NTRK3: variants seen among roughly 807,000 people sequenced by gnomAD.
NTRK3 encodes neurotrophic receptor tyrosine kinase 3.
In NTRK3, 24 loss-of-function variants were observed where a neutral mutation model predicts 91.7. The observed-to-expected ratio is 0.26, with a 90% CI of 0.19 to 0.37. NTRK3 has a LOEUF of 0.37. Among genes scored for constraint, NTRK3 ranks in the 10% least tolerant of loss-of-function variants. NTRK3 has a pLI of 1.00. For missense variants in NTRK3, 880 were observed against 1,068.9 expected (o/e 0.82, Z 2.46); for synonymous variants, 483 against 404.0 (o/e 1.20, Z -2.34).
chr15:88,131,280 A>G (rs991458297), intron 10 of NTRK3, among the ~76,000 whole-genome samples: 4 of 152,088 alleles, frequency 2.6e-5, no homozygotes, highest in African/African-American at 9.7e-5. Flanking sequence ...CCATTCATTC[A>G]CTCATTGCGG....
At chr15:87,901,419 T>G (rs1242451571) in intron 17 of NTRK3, among the ~76,000 whole-genome samples, 1 of 152,240 alleles carries the variant, frequency 6.6e-6, no homozygotes, top group Non-Finnish European at 1.5e-5. Context: ...CAGGGTCACC[T>G]AGTGGGTCCC....
intron 13 of NTRK3, among the ~76,000 whole-genome samples, chr15:88,035,269 A>G (rs958749470): frequency 6.6e-6 from 1 of 152,162 alleles, no homozygotes; most frequent in African/African-American, 2.4e-5. Context: ...GTGAGGCTCC[A>G]GGCGGGAACA....
chr15:87,877,112 C>T (rs2141438288), exon 19 of NTRK3: 1 of 1,614,088 alleles, frequency 6.2e-7, no homozygotes. Context: ...GGGTAATGCA[C>T]TCAATGACCT....
At position 87,953,944 on chromosome 15, in the gene NTRK3, C is replaced by T. The variant is rs921014584; in HGVS notation, c.1586-13191G>A. Among the ~76,000 whole-genome samples, 5 of 151,668 alleles carry T rather than the reference C, an allele frequency of 3.3e-5. No homozygotes were observed. In the East Asian group the frequency reaches 9.7e-4, roughly 29 times the overall value. On this transcript the variant is annotated intron_variant, in intron 14 of 18. Coordinates refer to ENST00000394480, the Ensembl canonical transcript of NTRK3. Reference sequence around the variant, plus strand: ...GCCCCTCCTCCGTGCGGGTTATCGACCTCCATTGCCAGCCTGTTCTTTGCT... The same window carrying T: ...GCCCCTCCTCCGTGCGGGTTATCGATCTCCATTGCCAGCCTGTTCTTTGCT...
exon 19 of NTRK3, chr15:87,870,145 T>C (rs1019817468): frequency 5.4e-6 from 1 of 183,970 alleles, no homozygotes; most frequent in African/African-American, 2.4e-5. Flanking sequence ...TCAACCCAAA[T>C]GCCCATCAAT....
At chr15:88,123,547 C>T (rs1190720683) in intron 13 of NTRK3, among the ~76,000 whole-genome samples, 2 of 152,152 alleles carry the variant, frequency 1.3e-5, no homozygotes, top group East Asian at 1.9e-4. Context: ...AGATTTATTC[C>T]GAGCCAAATA....
intron 17 of NTRK3, among the ~76,000 whole-genome samples, chr15:87,920,238 T>C (rs1487845128): frequency 6.6e-6 from 1 of 152,236 alleles, no homozygotes; most frequent in Non-Finnish European, 1.5e-5. Context: ...TTGTAATACT[T>C]ATAATTAGCA....
chr15:87,913,460 C>G (rs1452891075), intron 17 of NTRK3, among the ~76,000 whole-genome samples: 2 of 152,116 alleles, frequency 1.3e-5, no homozygotes, highest in African/African-American at 4.8e-5. Context: ...GCCACCAATC[C>G]TCTTTTCTAC....
chr15:87,956,171 G>A (rs2071633887), intron 14 of NTRK3, among the ~76,000 whole-genome samples: 1 of 152,124 alleles, frequency 6.6e-6, no homozygotes, highest in Non-Finnish European at 1.5e-5. Context: ...ACAGTCAGAT[G>A]GAAACTGATT....
chr15:88,099,379 A>G (rs2049950110), intron 13 of NTRK3: 1 of 189,312 alleles, frequency 5.3e-6, no homozygotes. Flanking sequence ...AGTACCTGCT[A>G]AAAGCTAAAA....
intron 17 of NTRK3, among the ~76,000 whole-genome samples, chr15:87,891,099 T>C (rs1371971876): frequency 6.6e-6 from 1 of 152,130 alleles, no homozygotes; most frequent in African/African-American, 2.4e-5. Flanking sequence ...TCCTAATTTG[T>C]TTAAATAATA....
At chr15:88,158,497 C>A (rs1195627971) in intron 5 of NTRK3, among the ~76,000 whole-genome samples, 1 of 152,182 alleles carries the variant, frequency 6.6e-6, no homozygotes, top group Non-Finnish European at 1.5e-5. Flanking sequence ...GCGGTCCTCA[C>A]CCTGAGGTCT....
chr15:88,221,141 A>G (rs1465533726), intron 3 of NTRK3, among the ~76,000 whole-genome samples: 1 of 152,242 alleles, frequency 6.6e-6, no homozygotes, highest in Non-Finnish European at 1.5e-5. Flanking sequence ...TCCTGGTTAT[A>G]AAGTAATACA....
intron 14 of NTRK3, among the ~76,000 whole-genome samples, chr15:88,018,042 C>T (rs988107387): frequency 1.3e-5 from 2 of 152,176 alleles, no homozygotes; most frequent in Non-Finnish European, 2.9e-5. Context: ...ACAAATCAAG[C>T]TACAGATCCA....
chr15:87,923,943 C>T (rs1197784878), intron 17 of NTRK3, among the ~76,000 whole-genome samples: 1 of 152,094 alleles, frequency 6.6e-6, no homozygotes, highest in Non-Finnish European at 1.5e-5. Context: ...AGATGAGGCC[C>T]CTCGATCTTG....
At chr15:87,929,145 G>A (rs373836591) in intron 17 of NTRK3, 46 bp downstream of exon 17, 68 of 1,613,844 alleles carry the variant, frequency 4.2e-5, no homozygotes, top group Non-Finnish European at 5.7e-5. Context: ...TGTAAGCAAG[G>A]CGCTAGCTCT....
At chr15:87,925,996 A>G (rs1300882164) in intron 17 of NTRK3, among the ~76,000 whole-genome samples, 1 of 152,230 alleles carries the variant, frequency 6.6e-6, no homozygotes, top group South Asian at 2.1e-4. Context: ...AACTTGCTTA[A>G]CATCAACACA....
intron 14 of NTRK3, among the ~76,000 whole-genome samples, chr15:88,008,805 C>T (rs1316167527): frequency 6.6e-6 from 1 of 152,158 alleles, no homozygotes; most frequent in Non-Finnish European, 1.5e-5. Context: ...ATTATCTTGA[C>T]CACTAACGGA....
intron 13 of NTRK3, among the ~76,000 whole-genome samples, chr15:88,053,294 G>C (rs2045391921): frequency 6.6e-6 from 1 of 152,168 alleles, no homozygotes; most frequent in African/African-American, 2.4e-5. Context: ...GAGATTCAAA[G>C]GGCCTGTCCC....
Sources: gnomAD v4.1 joint callset for allele counts (sites outside exome capture counted in the v4.1 genomes callset) on GRCh38, gnomAD v4.1.1 for gene constraint, MANE v1.5 for transcripts, NCBI Gene and HGNC (gene_info 2026-07-23, HGNC 2026-07-21) for gene names.